Variants in SPON1 observed in about 807,000 individuals in gnomAD.
SPON1 encodes spondin 1.
In SPON1, 52 loss-of-function variants were observed where a neutral mutation model predicts 111.7. That is an observed-to-expected ratio of 0.47 (90% CI 0.37 to 0.59). The LOEUF (loss-of-function observed/expected upper bound fraction) is 0.59, where lower values mean the gene tolerates loss of function less well. Among genes scored for constraint, SPON1 ranks in the 20% least tolerant of loss-of-function variants. The pLI is 0.00. For missense variants in SPON1, 957 were observed against 1,068.5 expected, an observed-to-expected ratio of 0.90 and a Z score of 1.46; for synonymous variants, 410 against 395.8, an observed-to-expected ratio of 1.04 and a Z score of -0.43.
At chr11:14,255,962 G>A (rs1849102725) in intron 9 of SPON1, among the ~76,000 whole-genome samples, 175 bp downstream of exon 9, 1 of 152,200 alleles carries the variant, frequency 6.6e-6, no homozygotes, top group African/African-American at 2.4e-5. Flanking sequence ...ATGAAAATAA[G>A]CAGGCCAGGC....
chr11:14,192,450 G>A (rs922120799), intron 6 of SPON1, among the ~76,000 whole-genome samples: 5 of 152,106 alleles, frequency 3.3e-5, no homozygotes, highest in African/African-American at 1.2e-4. Flanking sequence ...TAAAAGTAGA[G>A]ATATATTTGC....
chr11:14,066,703 C>T (rs1685944405), intron 3 of SPON1, among the ~76,000 whole-genome samples: 1 of 152,180 alleles, frequency 6.6e-6, no homozygotes, highest in South Asian at 2.1e-4. Flanking sequence ...TCACAACCCC[C>T]ACCCCACCTT....
At chr11:14,241,874 T>C (rs1848931048) in intron 6 of SPON1, among the ~76,000 whole-genome samples, 1 of 152,170 alleles carries the variant, frequency 6.6e-6, no homozygotes, top group Non-Finnish European at 1.5e-5. Context: ...CATGTGAATG[T>C]TGGGGTGTCT....
chr11:14,263,441 C>T (rs1189682117), intron 15 of SPON1, among the ~76,000 whole-genome samples: 8 of 152,128 alleles, frequency 5.3e-5, no homozygotes, highest in Non-Finnish European at 7.4e-5. Context: ...TCCCAGAACA[C>T]ATCATCTTCC....
At position 14,003,206 on chromosome 11, in the gene SPON1, G is replaced by T. The variant is rs561284048; in HGVS notation, c.345+20253G>T. Reference sequence around the variant, plus strand: ...TGCCCCAAAAAGTGGCAGCAGGGGAGTTCCCACACAAGAAAGTGCAACACA... The same window carrying T: ...TGCCCCAAAAAGTGGCAGCAGGGGATTTCCCACACAAGAAAGTGCAACACA... On this transcript the variant is annotated intron_variant, in intron 2 of 15. Coordinates refer to ENST00000576479, the MANE Select transcript of SPON1 (RefSeq NM_006108.4). Among the ~76,000 whole-genome samples the T allele has an allele frequency of 3.3e-5, 5 of 152,264 alleles. 1 individual carries two copies. Among genetic ancestry groups the T allele is most frequent in the Non-Finnish European group, 7.4e-5 (5 of 68,014 alleles).
Position 14,194,252 on chromosome 11 carries a change from A to G in SPON1, c.826-49080A>G, listed in dbSNP as rs151015875. On this transcript the variant is annotated intron_variant, in intron 6 of 15. Coordinates refer to ENST00000576479, the MANE Select transcript of SPON1 (RefSeq NM_006108.4). ...AGAGTCAATATTTAGGGTACTTGAC[A>G]AAAGCTCTAGATTCCTCTTCCTCTG... Among the ~76,000 whole-genome samples, 1,120 of 152,308 alleles carry G rather than the reference A, an allele frequency of 7.4e-3. 9 individuals carry two copies. Among genetic ancestry groups the G allele is most frequent in the Non-Finnish European group, 0.011 (774 of 68,018 alleles).
At chr11:14,164,504 C>T (rs1425189566) in intron 6 of SPON1, among the ~76,000 whole-genome samples, 1 of 152,096 alleles carries the variant, frequency 6.6e-6, no homozygotes, top group Non-Finnish European at 1.5e-5. Context: ...GACTGTCCAC[C>T]TACAAACTTT....
intron 2 of SPON1, among the ~76,000 whole-genome samples, chr11:14,012,034 G>T (rs939169296): frequency 2.0e-5 from 3 of 152,178 alleles, no homozygotes; most frequent in Non-Finnish European, 2.9e-5. Flanking sequence ...CAGAGTCCTG[G>T]CAGGTAAACA....
At chr11:14,256,921 C>G (rs1440289201) in intron 10 of SPON1, among the ~76,000 whole-genome samples, 1 of 152,164 alleles carries the variant, frequency 6.6e-6, no homozygotes, top group African/African-American at 2.4e-5. Context: ...CAACATCAGG[C>G]CTTTAAAACA....
intron 5 of SPON1, among the ~76,000 whole-genome samples, chr11:14,099,526 GT>G (rs1483100954): frequency 6.6e-6 from 1 of 152,128 alleles, no homozygotes; most frequent in Non-Finnish European, 1.5e-5. Context: ...AATTTAATAT[GT>G]AGTTCTCATT....
At chr11:14,254,784 T>C (rs1837639859) in intron 8 of SPON1, 55 bp downstream of exon 8, 4 of 1,548,128 alleles carry the variant, frequency 2.6e-6, no homozygotes, top group Non-Finnish European at 3.6e-6. Context: ...GCTTCCTGAG[T>C]GTCCTGGACA....
Position 14,262,701 on chromosome 11 carries a change from T to C in SPON1, c.1997-11T>C. 1 of 1,613,878 alleles carries C rather than the reference T, an allele frequency of 6.2e-7. No individual in the cohort carries two copies. The highest frequency in any genetic ancestry group is 8.5e-7 in the Non-Finnish European group (1 of 1,179,832). The stretch of plus-strand genomic sequence containing the variant: ...CATGTGATACACTCATGCCCATCTG[T>C]GTCTTGCCAGCCATTGACTGTGAGC... On this transcript the variant is annotated splice_polypyrimidine_tract_variant and intron_variant, in intron 14 of 15. Transcript: ENST00000576479.
intron 3 of SPON1, among the ~76,000 whole-genome samples, chr11:14,046,067 A>G (rs1848666008): frequency 6.6e-6 from 1 of 152,230 alleles, no homozygotes; most frequent in Non-Finnish European, 1.5e-5. Flanking sequence ...CATGCTCAAA[A>G]TGAGGTGCCA....
chr11:14,063,037 T>C, intron 3 of SPON1, among the ~76,000 whole-genome samples: 1 of 152,112 alleles, frequency 6.6e-6, no homozygotes, highest in Admixed American at 6.5e-5. Context: ...GATTTCTACC[T>C]ATCCTACTTT....
chr11:14,208,400 C>T (rs6486181), intron 6 of SPON1, among the ~76,000 whole-genome samples: 7,243 of 151,992 alleles, frequency 0.048, 583 homozygotes, highest in African/African-American at 0.17. Context: ...ATTCCTTATA[C>T]GTTATTGATT....
chr11:14,119,148 T>A (rs1344664192), intron 5 of SPON1, among the ~76,000 whole-genome samples: 1 of 152,092 alleles, frequency 6.6e-6, no homozygotes, highest in Non-Finnish European at 1.5e-5. Context: ...ATTTTATGGA[T>A]CTCTGGGCCC....
chr11:14,085,942 CT>C (rs1186373774), intron 5 of SPON1, among the ~76,000 whole-genome samples: 9 of 152,112 alleles, frequency 5.9e-5, no homozygotes, highest in Non-Finnish European at 8.8e-5. Flanking sequence ...TGATTTGGCT[CT>C]CTGCTTGCCT....
At chr11:14,017,705 C>T (rs1249243640) in intron 2 of SPON1, among the ~76,000 whole-genome samples, 4 of 152,352 alleles carry the variant, frequency 2.6e-5, no homozygotes, top group Admixed American at 6.5e-5. Flanking sequence ...GGCACACTGT[C>T]TTTCCAAATA....
chr11:14,095,574 C>T (rs781794514), intron 5 of SPON1, among the ~76,000 whole-genome samples: 10 of 152,066 alleles, frequency 6.6e-5, no homozygotes, highest in Non-Finnish European at 1.2e-4. Flanking sequence ...TTCCAAAAGC[C>T]TGAGAACAAA....
Sources: gnomAD v4.1 joint callset for allele counts (sites outside exome capture counted in the v4.1 genomes callset) on GRCh38, gnomAD v4.1.1 for gene constraint, MANE v1.5 for transcripts, NCBI Gene and HGNC (gene_info 2026-07-23, HGNC 2026-07-21) for gene names.